Variants in SGCZ observed in about 807,000 individuals in gnomAD.
SGCZ encodes the protein sarcoglycan zeta, also known as zeta-sarcoglycan.
In SGCZ, 40 loss-of-function variants were observed where a neutral mutation model predicts 41.3. The ratio of observed to expected loss-of-function variants is 0.97; its 90% CI spans 0.75 to 1.26. SGCZ has a LOEUF of 1.26. Among genes scored for constraint, SGCZ ranks in the 50% most tolerant of loss-of-function variants. SGCZ has a pLI of 0.00. For synonymous variants in SGCZ, 206 were observed against 137.5 expected, an observed-to-expected ratio of 1.50 and a Z score of -3.49; for missense variants, 552 against 369.8, an observed-to-expected ratio of 1.49 and a Z score of -4.04.
chr8:14,231,821 T>C (rs549248743), intron 4 of SGCZ, among the ~76,000 whole-genome samples: 1 of 152,236 alleles, frequency 6.6e-6, no homozygotes, highest in Admixed American at 6.6e-5. Context: ...TAAGATCATA[T>C]GCGTTCTTTT....
At chr8:14,627,371 G>C (rs1430946132) in intron 1 of SGCZ, among the ~76,000 whole-genome samples, 1 of 152,026 alleles carries the variant, frequency 6.6e-6, no homozygotes, top group Admixed American at 6.6e-5. Flanking sequence ...TCCATATATA[G>C]AATCCAGGTT....
At chr8:14,589,161 G>T (rs1358381296) in intron 1 of SGCZ, among the ~76,000 whole-genome samples, 1 of 151,878 alleles carries the variant, frequency 6.6e-6, no homozygotes, top group Admixed American at 6.6e-5. Context: ...TTGTGCACAT[G>T]TACCCTCAAA....
intron 1 of SGCZ, among the ~76,000 whole-genome samples, chr8:14,961,858 T>C (rs960699586): frequency 4.6e-5 from 7 of 152,286 alleles, no homozygotes; most frequent in South Asian, 2.1e-4. Context: ...TCAAGGTATA[T>C]GGCAATAGGG....
intron 1 of SGCZ, among the ~76,000 whole-genome samples, chr8:15,100,647 T>G (rs1438981352): frequency 6.6e-6 from 1 of 152,108 alleles, no homozygotes. Flanking sequence ...AACACAATAC[T>G]GAAGGAAAAT....
chr8:14,800,066 CT>C (rs1371142340), intron 1 of SGCZ, among the ~76,000 whole-genome samples: 18 of 152,178 alleles, frequency 1.2e-4, no homozygotes, highest in African/African-American at 3.9e-4. Flanking sequence ...CCATTATGTA[CT>C]CTACCTATAA....
intron 1 of SGCZ, among the ~76,000 whole-genome samples, chr8:15,085,466 A>C (rs2131052757): frequency 6.6e-6 from 1 of 152,268 alleles, no homozygotes; most frequent in South Asian, 2.1e-4. Flanking sequence ...CAGGTTCCAA[A>C]AATAAGGAAA....
rs114673344 is a variant in SGCZ, at chr8:14,861,741, G to C, written c.40-306815C>G. The stretch of plus-strand genomic sequence containing the variant: ...TTTTGCACTGGGACCCACAAATTAT[G>C]TTCTTTAGACTTGCACGTGGTGTTG... On this transcript the variant is annotated intron_variant, in intron 1 of 7. Coordinates refer to ENST00000382080, the MANE Select transcript of SGCZ (RefSeq NM_139167.4). Among the ~76,000 whole-genome samples the C allele has an allele frequency of 4.4e-3, 671 of 152,052 alleles. 5 individuals are homozygous for C. The highest frequency in any genetic ancestry group is 0.015 in the African/African-American group (637 of 41,488).
chr8:15,040,705 G>T (rs758641941), intron 1 of SGCZ, among the ~76,000 whole-genome samples: 3 of 152,078 alleles, frequency 2.0e-5, no homozygotes, highest in Non-Finnish European at 2.9e-5. Context: ...GAAATACTGC[G>T]CATTATTATA....
chr8:14,218,603 G>T (rs1194347496), intron 4 of SGCZ, among the ~76,000 whole-genome samples: 2 of 152,184 alleles, frequency 1.3e-5, no homozygotes, highest in Non-Finnish European at 2.9e-5. Context: ...TATGTTAAAT[G>T]ACATTTTAAT....
intron 4 of SGCZ, among the ~76,000 whole-genome samples, chr8:14,203,452 G>C (rs1585228147): frequency 6.6e-6 from 1 of 152,020 alleles, no homozygotes. Context: ...TTTGATTTTT[G>C]TGCCAATAAT....
At chr8:14,384,531 G>A (rs375336653) in intron 2 of SGCZ, among the ~76,000 whole-genome samples, 33 of 152,238 alleles carry the variant, frequency 2.2e-4, no homozygotes, top group African/African-American at 7.7e-4. Flanking sequence ...CTTTAGCTAT[G>A]TCTAATTACT....
chr8:14,384,690 G>A (rs1407858710), intron 2 of SGCZ, among the ~76,000 whole-genome samples: 1 of 152,098 alleles, frequency 6.6e-6, no homozygotes. Flanking sequence ...CACCCTAGTA[G>A]CTGGGATTAC....
At chr8:14,397,849 C>A (rs1260550321) in intron 2 of SGCZ, among the ~76,000 whole-genome samples, 4 of 152,116 alleles carry the variant, frequency 2.6e-5, no homozygotes, top group African/African-American at 9.7e-5. Flanking sequence ...GATTGTCAAC[C>A]CTGAGCAGAG....
intron 1 of SGCZ, among the ~76,000 whole-genome samples, chr8:14,697,638 A>G (rs375365869): frequency 2.0e-5 from 3 of 152,120 alleles, no homozygotes; most frequent in African/African-American, 7.2e-5. Context: ...AAACATGCCA[A>G]TAAACCTATC....
chr8:14,365,233 GCATTTAT>G (rs1209262009), intron 2 of SGCZ, among the ~76,000 whole-genome samples: 1 of 151,906 alleles, frequency 6.6e-6, no homozygotes, highest in Non-Finnish European at 1.5e-5. Flanking sequence ...TTTTAAAAAT[GCATTTAT>G]TGTCTCAAAA....
chr8:14,771,172 A>C (rs1800224887), intron 1 of SGCZ, among the ~76,000 whole-genome samples: 1 of 152,154 alleles, frequency 6.6e-6, no homozygotes, highest in Non-Finnish European at 1.5e-5. Flanking sequence ...TAACTACCCA[A>C]GGCAAAGGGT....
chr8:14,113,848 A>C (rs568847839), intron 5 of SGCZ, among the ~76,000 whole-genome samples: 6 of 152,150 alleles, frequency 3.9e-5, no homozygotes, highest in South Asian at 2.1e-4. Context: ...TGGATTTTAC[A>C]TTTCAGTGAC....
At chr8:14,625,587 T>G (rs1806428090) in intron 1 of SGCZ, among the ~76,000 whole-genome samples, 1 of 152,064 alleles carries the variant, frequency 6.6e-6, no homozygotes, top group Non-Finnish European at 1.5e-5. Flanking sequence ...TTGTTGTTGT[T>G]GTTGTTTTTG....
intron 2 of SGCZ, among the ~76,000 whole-genome samples, chr8:14,378,307 T>C (rs189422212): frequency 5.6e-4 from 85 of 152,252 alleles, no homozygotes; most frequent in Non-Finnish European, 5.9e-5. Flanking sequence ...TTCATGTGTT[T>C]TTTGGCTGCA....
Sources: allele counts gnomAD v4.1 joint callset (sites outside exome capture counted in the v4.1 genomes callset), GRCh38; gene constraint gnomAD v4.1.1; transcripts MANE v1.5; gene names NCBI Gene and HGNC (gene_info 2026-07-23, HGNC 2026-07-21).